Variants in PTPRM observed in about 807,000 individuals in gnomAD.
The protein encoded by PTPRM is receptor-type tyrosine-protein phosphatase mu.
A neutral mutation model predicts 186.7 loss-of-function variants in PTPRM; 47 were observed. That is an observed-to-expected ratio of 0.25 (90% CI 0.20 to 0.32). The LOEUF is 0.32. PTPRM is among the 10% of genes least tolerant of loss of function. The probability of loss-of-function intolerance (pLI) is 1.00; values close to 1 mark genes in which losing one functional copy is unlikely to be tolerated. For missense variants in PTPRM, 1,494 were observed against 1,865.0 expected (o/e 0.80, Z 3.66); for synonymous variants, 668 against 674.9 (o/e 0.99, Z 0.16).
rs534128669 is a variant in PTPRM at position 7,728,666 on chromosome 18, G to C, written c.74-45483G>C. ...GGGTTTCATCTGAGACCAGCAGTCC[G>C]GTCTTCAGCCTTCAGGCTGTTTTAG... On this transcript the variant is annotated intron_variant, in intron 1 of 32. Coordinates refer to ENST00000580170, the MANE Select transcript of PTPRM (RefSeq NM_001105244.2). Among the ~76,000 whole-genome samples, 28 of 152,356 alleles carry C rather than the reference G, an allele frequency of 1.8e-4. No individual in the cohort carries two copies. In the South Asian group the frequency reaches 4.8e-3, roughly 26 times the overall value.
intron 14 of PTPRM, among the ~76,000 whole-genome samples, chr18:8,172,130 G>C (rs935961907): frequency 1.3e-5 from 2 of 152,162 alleles, no homozygotes; most frequent in Admixed American, 6.5e-5. Flanking sequence ...ATACTGAGCA[G>C]TTTACAAAAG....
At chr18:8,377,308 A>G (rs970426775) in intron 26 of PTPRM, 2 of 152,260 alleles carry the variant, frequency 1.3e-5, no homozygotes, top group Non-Finnish European at 2.9e-5. Context: ...AGTTTATGAA[A>G]GCCTCTGGGA....
chr18:7,941,792 T>C (rs183259115), intron 5 of PTPRM, among the ~76,000 whole-genome samples: 164 of 152,364 alleles, frequency 1.1e-3, no homozygotes, highest in African/African-American at 3.5e-3. Flanking sequence ...GTTCTCCTTG[T>C]GTCCACAGAG....
At chr18:8,397,909 T>C (rs2095852742) in intron 32 of PTPRM, among the ~76,000 whole-genome samples, 1 of 152,242 alleles carries the variant, frequency 6.6e-6, no homozygotes, top group Middle Eastern at 3.4e-3. Flanking sequence ...AAGACTCCCC[T>C]CCACAGCCTA....
At chr18:8,212,572 A>G (rs889422987) in intron 14 of PTPRM, among the ~76,000 whole-genome samples, 1 of 152,170 alleles carries the variant, frequency 6.6e-6, no homozygotes, top group Admixed American at 6.5e-5. Context: ...TGGGGGGCCA[A>G]GGCAGGAGGA....
At chr18:7,589,059 GC>G (rs910948871) in intron 1 of PTPRM, among the ~76,000 whole-genome samples, 1 of 152,080 alleles carries the variant, frequency 6.6e-6, no homozygotes, top group Non-Finnish European at 1.5e-5. Context: ...TGTTCTCCAG[GC>G]TGGTCTTGAG....
chr18:8,142,356 T>C lies in PTPRM; in HGVS notation c.2168-1291T>C, dbSNP rs185079197. 5.9e-5 allele frequency among the ~76,000 whole-genome samples: 9 copies of C among 152,314 alleles called. No homozygotes were observed. In the East Asian group the frequency reaches 1.2e-3, roughly 20 times the overall value. ...CTTGACTCACTTCCTGGGGTCAGTC[T>C]AATGACTACAGCCATGTTCAGAATG... On this transcript the variant is annotated intron_variant, in intron 13 of 32. Transcript: ENST00000580170.
At chr18:8,385,350 G>A (rs1178238066) in intron 30 of PTPRM, among the ~76,000 whole-genome samples, 1 of 152,246 alleles carries the variant, frequency 6.6e-6, no homozygotes, top group Non-Finnish European at 1.5e-5. Context: ...AATAATAGAT[G>A]TAGTAAGTTA....
chr18:7,743,760 T>G (rs1177840758), intron 1 of PTPRM, among the ~76,000 whole-genome samples: 1 of 152,194 alleles, frequency 6.6e-6, no homozygotes, highest in Non-Finnish European at 1.5e-5. Context: ...AGTAAGCCGG[T>G]TTATAGAGAA....
At chr18:7,944,767 T>C (rs1412736298) in intron 5 of PTPRM, among the ~76,000 whole-genome samples, 1 of 152,170 alleles carries the variant, frequency 6.6e-6, no homozygotes, top group East Asian at 1.9e-4. Flanking sequence ...AGAGCTTCTC[T>C]TATTCACTAG....
chr18:8,024,535 C>T (rs894458106), intron 7 of PTPRM, among the ~76,000 whole-genome samples: 1 of 152,108 alleles, frequency 6.6e-6, no homozygotes, highest in Admixed American at 6.6e-5. Context: ...ATGCTTAACC[C>T]ATTTCAAACC....
chr18:8,036,046 A>T (rs2148114458), intron 7 of PTPRM, among the ~76,000 whole-genome samples: 1 of 152,312 alleles, frequency 6.6e-6, no homozygotes. Flanking sequence ...TTGAAATACA[A>T]CAAAGAAGGA....
At chr18:7,828,299 C>T (rs533473256) in intron 2 of PTPRM, among the ~76,000 whole-genome samples, 15 of 151,074 alleles carry the variant, frequency 9.9e-5, no homozygotes, top group Non-Finnish European at 1.8e-4. Flanking sequence ...TACATGTGCA[C>T]AATGTGCAGG....
chr18:7,729,573 G>A (rs2040616444), intron 1 of PTPRM, among the ~76,000 whole-genome samples: 3 of 152,224 alleles, frequency 2.0e-5, no homozygotes, highest in Admixed American at 2.0e-4. Flanking sequence ...AGTCAAGGTA[G>A]AGTTGATGTC....
rs548336261 is a variant in PTPRM, at chr18:7,869,400, G to A, written c.197-18706G>A. On this transcript the variant is annotated intron_variant, in intron 2 of 32. Coordinates refer to ENST00000580170, the MANE Select transcript of PTPRM (RefSeq NM_001105244.2). ...AAAAGCGTAATATCTGAGCTGGAGT[G>A]CACCATTCCTTATGGCACAGTGCCT... Among the ~76,000 whole-genome samples, 3 of 152,324 alleles carry A rather than the reference G, an allele frequency of 2.0e-5. No homozygotes were observed. In the East Asian group the frequency reaches 5.8e-4, roughly 29 times the overall value.
intron 7 of PTPRM, among the ~76,000 whole-genome samples, chr18:8,056,840 C>A (rs1243098746): frequency 6.6e-6 from 1 of 151,340 alleles, no homozygotes; most frequent in African/African-American, 2.4e-5. Flanking sequence ...TGTATAACAT[C>A]TACAAGTCAG....
chr18:8,259,443 C>G (rs1399780749), intron 19 of PTPRM, among the ~76,000 whole-genome samples: 1 of 151,982 alleles, frequency 6.6e-6, no homozygotes, highest in Non-Finnish European at 1.5e-5. Context: ...ACGTCTGTCT[C>G]CTTGTAGCTC....
rs183785959 is a variant in PTPRM at position 8,101,084 on chromosome 18, G to A, written c.1856+12233G>A. Among the ~76,000 whole-genome samples the A allele has an allele frequency of 7.9e-5, 12 of 152,300 alleles. No homozygotes were observed. The East Asian group carries it at 2.1e-3, about 27-fold the overall frequency. On this transcript the variant is annotated intron_variant, in intron 11 of 32. Transcript: ENST00000580170. ...CCATCAAAACATCCCAGCAATAAGAGAAGGCATTGTTGGTAGGACTGTTTA... is the reference window on the plus strand; with the variant it reads ...CCATCAAAACATCCCAGCAATAAGAAAAGGCATTGTTGGTAGGACTGTTTA...
chr18:8,331,798 A>G (rs562285977), intron 22 of PTPRM, among the ~76,000 whole-genome samples: 4 of 152,334 alleles, frequency 2.6e-5, no homozygotes, highest in African/African-American at 9.6e-5. Context: ...TAAACTGTAG[A>G]CAAACATAGG....
Sources: allele counts gnomAD v4.1 joint callset (sites outside exome capture counted in the v4.1 genomes callset), GRCh38; gene constraint gnomAD v4.1.1; transcripts MANE v1.5; gene names NCBI Gene and HGNC (gene_info 2026-07-23, HGNC 2026-07-21).